Variants in CPLX1 observed in about 807,000 individuals in gnomAD.
CPLX1 encodes complexin-1.
A neutral mutation model predicts 15.6 loss-of-function variants in CPLX1; 6 were observed. The ratio of observed to expected loss-of-function variants is 0.39; its 90% CI spans 0.21 to 0.76. The LOEUF (loss-of-function observed/expected upper bound fraction) is 0.76. Ranked by LOEUF, CPLX1 falls within the 30% of genes least tolerant of loss-of-function variation. The pLI is 0.43. For missense variants in CPLX1, 242 were observed against 188.6 expected (o/e 1.28, Z -1.66); for synonymous variants, 91 against 75.2 (o/e 1.21, Z -1.08).
intron 2 of CPLX1, among the ~76,000 whole-genome samples, chr4:807,240 C>T (rs892159702): frequency 2.0e-5 from 3 of 152,170 alleles, no homozygotes; most frequent in African/African-American, 7.2e-5. Flanking sequence ...AACCAAACAC[C>T]GCATGTTCTC....
chr4:795,882 T>C lies in CPLX1; in HGVS notation c.32-3274A>G, dbSNP rs1049431666. Among the ~76,000 whole-genome samples the C allele has an allele frequency of 3.9e-5, 6 of 152,024 alleles. No individual in the cohort carries two copies. The South Asian group carries it at 1.2e-3, about 32-fold the overall frequency. The stretch of plus-strand genomic sequence containing the variant: ...CTCCACCGCCCACCCCACCTCCCGG[T>C]AGCAGAAGGGGCAGAAGCAGAGACG... On this transcript the variant is annotated intron_variant, in intron 2 of 3. Coordinates refer to ENST00000304062, the MANE Select transcript of CPLX1 (RefSeq NM_006651.4).
chr4:792,259 C>A (rs1746199873), intron 3 of CPLX1, among the ~76,000 whole-genome samples, 174 bp downstream of exon 3: 1 of 152,180 alleles, frequency 6.6e-6, no homozygotes, highest in African/African-American at 2.4e-5. Flanking sequence ...ACAGAGGGAG[C>A]CCAACCCGGA....
intron 2 of CPLX1, among the ~76,000 whole-genome samples, chr4:821,192 G>A (rs926598468): frequency 6.6e-6 from 1 of 152,216 alleles, no homozygotes; most frequent in Non-Finnish European, 1.5e-5. Flanking sequence ...TGGGTGAGGG[G>A]CATTCACTGC....
At chr4:803,415 G>C (rs1178299058) in intron 2 of CPLX1, among the ~76,000 whole-genome samples, 1 of 151,920 alleles carries the variant, frequency 6.6e-6, no homozygotes, top group African/African-American at 2.4e-5. Context: ...TTTTGAGACG[G>C]AATCTCGCTC....
At chr4:794,134 G>A (rs1435218617) in intron 2 of CPLX1, among the ~76,000 whole-genome samples, 2 of 152,230 alleles carry the variant, frequency 1.3e-5, no homozygotes, top group Non-Finnish European at 2.9e-5. Context: ...GTCGAGGGTG[G>A]GCAGGAGCTG....
intron 2 of CPLX1, among the ~76,000 whole-genome samples, chr4:808,714 C>T (rs1577479126): frequency 6.6e-6 from 1 of 152,124 alleles, no homozygotes; most frequent in African/African-American, 2.4e-5. Context: ...CTAGCCACAC[C>T]CAGACAGGAA....
intron 3 of CPLX1, chr4:787,460 A>G (rs771923662): frequency 2.2e-6 from 2 of 888,912 alleles, no homozygotes; most frequent in Non-Finnish European, 2.7e-6. Flanking sequence ...GTCTTTGTTG[A>G]TCTCATAATG....
chr4:810,084 T>C lies in CPLX1; in HGVS notation c.31+14408A>G, dbSNP rs778267551. Among the ~76,000 whole-genome samples, 701 of 150,344 alleles carry C rather than the reference T, an allele frequency of 4.7e-3. 2 individuals are homozygous for C. Among genetic ancestry groups the C allele is most frequent in the Non-Finnish European group, 7.3e-3 (495 of 67,504 alleles). On this transcript the variant is annotated intron_variant, in intron 2 of 3. Coordinates refer to ENST00000304062, the MANE Select transcript of CPLX1 (RefSeq NM_006651.4). ...TTTTTTTTTGAGATGGAGTCTCGCT[T>C]CGTTGCCCAGGCTGGAGTGCAGTGG...
chr4:807,171 G>A (rs1032513842), intron 2 of CPLX1, among the ~76,000 whole-genome samples: 2 of 152,256 alleles, frequency 1.3e-5, no homozygotes, highest in Non-Finnish European at 2.9e-5. Context: ...CATGTCCTTT[G>A]CAGGGATAGG....
chr4:802,755 C>T (rs1746481807), intron 2 of CPLX1, among the ~76,000 whole-genome samples: 2 of 152,094 alleles, frequency 1.3e-5, no homozygotes, highest in African/African-American at 2.4e-5. Flanking sequence ...TGAGACCAGC[C>T]TGGCCAACAT....
intron 2 of CPLX1, among the ~76,000 whole-genome samples, chr4:800,724 TA>T (rs200021525): frequency 0.011 from 807 of 76,214 alleles, 11 homozygotes; most frequent in African/African-American, 0.035. Context: ...CCGTCTCTAC[TA>T]AAAAAAAAAA....
At chr4:791,162 T>A (rs1179729645) in intron 3 of CPLX1, among the ~76,000 whole-genome samples, 1 of 126,334 alleles carries the variant, frequency 7.9e-6, no homozygotes, top group African/African-American at 3.0e-5. Context: ...CCTGAAGCCC[T>A]GGGTCAGCTG....
intron 2 of CPLX1, among the ~76,000 whole-genome samples, chr4:807,948 T>C (rs562823885): frequency 6.6e-6 from 1 of 152,304 alleles, no homozygotes; most frequent in African/African-American, 2.4e-5. Flanking sequence ...CTCAGAGTCA[T>C]GGCACAGGTG....
At chr4:791,046 TCTC>T (rs1400468923) in intron 3 of CPLX1, among the ~76,000 whole-genome samples, 4 of 151,914 alleles carry the variant, frequency 2.6e-5, no homozygotes, top group Admixed American at 6.6e-5. Context: ...CCCCCTTCCT[TCTC>T]CTCCTGTCCC....
chr4:789,654 C>A (rs1046360724), intron 3 of CPLX1, among the ~76,000 whole-genome samples: 5 of 152,208 alleles, frequency 3.3e-5, no homozygotes, highest in Non-Finnish European at 7.4e-5. Flanking sequence ...CACAGCGGGG[C>A]AGTCTCCCTC....
At chr4:820,147 C>T (rs552383192) in intron 2 of CPLX1, among the ~76,000 whole-genome samples, 15 of 151,968 alleles carry the variant, frequency 9.9e-5, no homozygotes, top group African/African-American at 3.6e-4. Context: ...GCAGCTCCAC[C>T]GTCCTCCCGG....
rs897017045 is a variant in CPLX1, at chr4:804,850, G to A, written c.32-12242C>T. 7 of 977,122 alleles carry A rather than the reference G, an allele frequency of 7.2e-6. No homozygotes were observed. In the African/African-American group the frequency reaches 8.8e-5, roughly 12 times the overall value. The allele number at this position is 977,122 out of a possible 1,614,324, so 60.5% of individuals were successfully genotyped here. On this transcript the variant is annotated intron_variant, in intron 2 of 3. Coordinates refer to ENST00000304062, the MANE Select transcript of CPLX1 (RefSeq NM_006651.4). ...GCAAGCGTGGGGAGCGACGTGCTCA[G>A]CCTCCACGGGAAAGGTGGGCGGCGG... is the stretch of plus-strand genomic sequence containing the variant.
At position 786,577 on chromosome 4, in the gene CPLX1, T is replaced by G. The variant is rs1165436128; in HGVS notation, c.329A>C (p.Glu110Ala). 1 of 1,610,466 alleles carries G rather than the reference T, an allele frequency of 6.2e-7. No individual in the cohort carries two copies. Among genetic ancestry groups the G allele is most frequent in the Non-Finnish European group, 8.5e-7 (1 of 1,178,586 alleles). ...GTCCAGGATGCTCTCGTCCTCCTCC[T>G]CCACCTCGTCCCCGCAGCCCGGCGG... is the stretch of plus-strand genomic sequence containing the variant. Reference protein sequence around the residue: ...AIPPGCGDEVEEEDESILDTV... With the variant: ...AIPPGCGDEVAEEDESILDTV... Residue 110 changes from glutamate to alanine, a missense_variant, in exon 4 of 4, where the codon GAG becomes GCG. Glu to Ala is a moderately radical substitution (Grantham distance 107). Transcript: ENST00000304062.
In CPLX1 at chr4:786,543, G is replaced by C. The variant is rs971756532; in HGVS notation, c.363C>G (p.Ile121Met). 6.2e-7 allele frequency: 1 copy of C among 1,607,354 alleles called. No homozygotes were observed. The highest frequency in any genetic ancestry group is 1.1e-5 in the South Asian group (1 of 89,966). Reference protein sequence around the residue: ...EEDESILDTVIKYLPGPLQDM... With the variant: ...EEDESILDTVMKYLPGPLQDM... The stretch of plus-strand genomic sequence containing the variant: ...CCTGCAGCGGCCCGGGCAGGTACTT[G>C]ATGACGGTGTCCAGGATGCTCTCGT... The change falls in exon 4 of 4, where the codon ATC becomes ATG. Residue 121 changes from isoleucine to methionine, a missense_variant. Transcript: ENST00000304062.
Sources: gnomAD v4.1 joint callset for allele counts (sites outside exome capture counted in the v4.1 genomes callset) on GRCh38, gnomAD v4.1.1 for gene constraint, MANE v1.5 for transcripts, NCBI Gene and HGNC (gene_info 2026-07-23, HGNC 2026-07-21) for gene names.